The following F5 variants were observed in gnomAD, a reference collection of about 807,000 sequenced individuals.
F5 encodes activated protein c cofactor.
F5 carries 138 observed loss-of-function variants against 216.4 expected under a neutral mutation model. That is an observed-to-expected ratio of 0.64 (90% CI 0.56 to 0.73). The LOEUF is 0.73. Ranked by LOEUF, F5 falls within the 30% of genes least tolerant of loss-of-function variation. F5 has a pLI of 0.00. For missense variants in F5, 2,403 were observed against 2,674.0 expected, an observed-to-expected ratio of 0.90 and a Z score of 2.24; for synonymous variants, 916 against 930.7, an observed-to-expected ratio of 0.98 and a Z score of 0.29.
intron 4 of F5, 90 bp from the exon 5 acceptor site, chr1:169,559,386 T>A: frequency 7.9e-7 from 1 of 1,272,104 alleles, no homozygotes; most frequent in South Asian, 1.2e-5. Flanking sequence ...GGGCAAGCAA[T>A]CAACCATAAT....
chr1:169,580,450 G>A (rs1660963220), intron 2 of F5, among the ~76,000 whole-genome samples: 1 of 151,168 alleles, frequency 6.6e-6, no homozygotes, highest in Admixed American at 6.6e-5. Context: ...GTGATGCGAT[G>A]TCAGCTCACT....
At chr1:169,520,258 G>A (rs576021929) in intron 22 of F5, among the ~76,000 whole-genome samples, 88 of 152,252 alleles carry the variant, frequency 5.8e-4, no homozygotes, top group African/African-American at 2.1e-3. Context: ...TTCCAAATTA[G>A]AGCCCTTCCT....
In F5 at chr1:169,540,718, G is replaced by C; in HGVS notation, c.4372C>G (p.Pro1458Ala). 1 of 1,614,074 alleles carries C rather than the reference G, an allele frequency of 6.2e-7. No individual in the cohort carries two copies. Among genetic ancestry groups the C allele is most frequent in the South Asian group, 1.1e-5 (1 of 91,074 alleles). The change falls in exon 13 of 25, where the codon CCA becomes GCA. Residue 1458 changes from proline to alanine, a missense_variant. Coordinates refer to ENST00000367797, the MANE Select transcript of F5 (RefSeq NM_000130.5). The part of the protein sequence containing the change: ...LPDLSQISPP[P>A]DLDQIFYPSE... The stretch of plus-strand genomic sequence containing the variant: ...GGGTAGAATATCTGATCAAGGTCTG[G>C]AGGAGGTGATATCTGGCTGAGATCC...
At chr1:169,523,994 C>A (rs910890622) in intron 19 of F5, 90 bp from the exon 20 acceptor site, 3 of 1,051,120 alleles carry the variant, frequency 2.9e-6, no homozygotes, top group Admixed American at 3.5e-5. Flanking sequence ...AAAACCAGAT[C>A]CTTGGAGGAC....
In F5 at chr1:169,523,866, C is replaced by T; in HGVS notation, c.5827G>A (p.Gly1943Arg). 6.2e-7 allele frequency: 1 copy of T among 1,613,842 alleles called. No individual in the cohort carries two copies. Among genetic ancestry groups the T allele is most frequent in the Non-Finnish European group, 8.5e-7 (1 of 1,179,902 alleles). Residue 1943 changes from glycine to arginine, a missense_variant, in exon 20 of 25, where the codon GGA (glycine) becomes AGA (arginine). Around this residue, in one of 4 missense-constraint regions of F5, gnomAD observed 659 missense variants for 787.9 expected, o/e 0.84. Coordinates refer to ENST00000367797, the MANE Select transcript of F5 (RefSeq NM_000130.5). ...EPRLARLNNG[G>R]SYNAWSVEKL... ...TCTACACTCCAAGCATTATAAGATC[C>T]ACCATTGTTTAATCTTGCTAATCTG... is the stretch of plus-strand genomic sequence containing the variant.
At position 169,543,259 on chromosome 1, in the gene F5, C is replaced by A. The variant is rs2239851; in HGVS notation, c.1976-145G>T. On this transcript the variant is annotated intron_variant, in intron 12 of 24. Transcript: ENST00000367797. The stretch of plus-strand genomic sequence containing the variant: ...GCTGTGGACCACTGCTTGTCTGTGA[C>A]CTATTGATTACTGGGTCAAAATAAC... The A allele has an allele frequency of 0.26, 185,503 of 704,150 alleles. 25,587 individuals are homozygous for A. Among genetic ancestry groups the A allele is most frequent in the Admixed American group, 0.38 (16,657 of 43,870 alleles). The allele number at this position is 704,150 out of a possible 1,614,324, so 43.6% of individuals were successfully genotyped here.
chr1:169,528,016 A>G lies in F5; in HGVS notation c.5498T>C (p.Ile1833Thr). ...QEWVRLHLLN[I>T]GGSQDIHVVH... is the part of the protein sequence containing the mutation. ...CACGTGAATGTCTTGGGAGCCGCCT[A>G]TGTTCAGCAGGTGTAACCTCACCCA... The change falls in exon 17 of 25, where the codon ATA (isoleucine) becomes ACA (threonine). Residue 1833 changes from isoleucine to threonine, a missense_variant. Ile to Thr is a moderately conservative substitution (Grantham distance 89, BLOSUM62 -1). Transcript: ENST00000367797. 6 of 1,613,916 alleles carry G rather than the reference A, an allele frequency of 3.7e-6. No individual in the cohort carries two copies. The highest frequency in any genetic ancestry group is 5.1e-6 in the Non-Finnish European group (6 of 1,179,868).
chr1:169,555,847 G>A (rs1660309808), intron 6 of F5, among the ~76,000 whole-genome samples: 1 of 151,950 alleles, frequency 6.6e-6, no homozygotes, highest in Non-Finnish European at 1.5e-5. Context: ...TATCATGATG[G>A]TTTTATTACT....
chr1:169,540,861 G>A lies in F5; in HGVS notation c.4229C>T (p.Thr1410Ile), dbSNP rs752854064. ...IPLTPDLDQM[T>I]LSPDLGETDL... ...TGTCTCACCAAGGTCTGGAGAAAGT[G>A]TCATCTGGTCGAGGTCTGGGGTAAG... Residue 1410 changes from threonine to isoleucine, a missense_variant, in exon 13 of 25, where the codon ACA becomes ATA. Thr to Ile is a moderately conservative substitution (Grantham distance 89). Around this residue, in one of 4 missense-constraint regions of F5, gnomAD observed 293 missense variants for 270.8 expected, o/e 1.08. Coordinates refer to ENST00000367797, the MANE Select transcript of F5 (RefSeq NM_000130.5). The A allele has an allele frequency of 1.3e-5, 21 of 1,612,022 alleles. No homozygotes were observed. The highest frequency in any genetic ancestry group is 1.7e-5 in the Admixed American group (1 of 59,476).
chr1:169,520,689 T>C (rs1294251715), intron 21 of F5, 25 bp from the exon 22 acceptor site: 1 of 1,599,076 alleles, frequency 6.3e-7, no homozygotes, highest in South Asian at 1.1e-5. Flanking sequence ...GAAAGTTTAG[T>C]TATGTAACAA....
chr1:169,523,812 G>T lies in F5; in HGVS notation c.5881C>A (p.Pro1961Thr), dbSNP rs748741328. ...CTATTAAGACAAACCTGGATCCAAG[G>T]TTTAGAGGCAAATTCTGCTGCAAGT... ...EKLAAEFASK[P>T]WIQVDMQKEV... Residue 1961 changes from proline (P) to threonine (T), a missense_variant, in exon 20 of 25, where the codon CCT becomes ACT. Pro to Thr is a conservative substitution (Grantham distance 38, BLOSUM62 -1). This residue lies in a region of F5 where 659 missense variants were observed against 787.9 expected (regional missense o/e 0.84). Coordinates refer to ENST00000367797, the MANE Select transcript of F5 (RefSeq NM_000130.5). The T allele has an allele frequency of 7.4e-6, 12 of 1,613,182 alleles. No individual in the cohort carries two copies. The highest frequency in any genetic ancestry group is 9.3e-6 in the Non-Finnish European group (11 of 1,179,416).
At chr1:169,521,238 A>G (rs1312243475) in intron 21 of F5, among the ~76,000 whole-genome samples, 2 of 152,124 alleles carry the variant, frequency 1.3e-5, no homozygotes, top group African/African-American at 2.4e-5. Context: ...CTAGACTTCT[A>G]TGCTCCTGAG....
rs541472486 is a variant in F5, at chr1:169,584,710, T to C, written c.158+1519A>G. 1.9e-4 allele frequency among the ~76,000 whole-genome samples: 29 copies of C among 152,320 alleles called. No homozygotes were observed. The South Asian group carries it at 4.6e-3, about 24-fold the overall frequency. On this transcript the variant is annotated intron_variant, in intron 1 of 24. Transcript: ENST00000367797. ...AGTTCTTAGTTTAAGCAGCCAGATA[T>C]ATGGATTAGATTTTTCATAAGAAAA...
intron 2 of F5, among the ~76,000 whole-genome samples, chr1:169,573,308 T>C (rs1277853441): frequency 2.0e-5 from 3 of 152,150 alleles, no homozygotes; most frequent in Non-Finnish European, 4.4e-5. Context: ...AGAGACATAG[T>C]ATAACGTGTA....
At chr1:169,578,800 C>T (rs1660922340) in intron 2 of F5, among the ~76,000 whole-genome samples, 1 of 152,176 alleles carries the variant, frequency 6.6e-6, no homozygotes, top group African/African-American at 2.4e-5. Context: ...TTATCCTCTG[C>T]TTTCCTGGCC....
intron 3 of F5, among the ~76,000 whole-genome samples, chr1:169,563,244 T>G (rs1029254537): frequency 2.0e-5 from 3 of 152,076 alleles, no homozygotes; most frequent in Non-Finnish European, 4.4e-5. Context: ...TCTCACTGCT[T>G]CCAATATTTT....
In F5 at chr1:169,511,962, G is replaced by T. The variant is rs542773186; in HGVS notation, c.*2351C>A. Among the ~76,000 whole-genome samples, 1 of 152,016 alleles carries T rather than the reference G, an allele frequency of 6.6e-6. No individual in the cohort carries two copies. The highest frequency in any genetic ancestry group is 1.9e-4 in the East Asian group (1 of 5,166). On this transcript the variant is annotated 3_prime_UTR_variant, in exon 25 of 25. Coordinates refer to ENST00000367797, the MANE Select transcript of F5 (RefSeq NM_000130.5). ...GATCAGAGAGAGAAATAAAAAGTGG[G>T]TATCTTTTTTATTTCAAAATAACAG...
At chr1:169,547,058 C>T (rs374604933) in intron 10 of F5, among the ~76,000 whole-genome samples, 16 of 151,884 alleles carry the variant, frequency 1.1e-4, no homozygotes, top group African/African-American at 1.9e-4. Flanking sequence ...CTCGGGAGGC[C>T]GAGGGGCCGA....
Position 169,544,427 on chromosome 1 carries a change from A to C in F5, c.1844T>G (p.Val615Gly). ...DDTVQWHFCS[V>G]GTQNEILTIH... ...GGTCAAAATTTCATTCTGGGTCCCC[A>C]CACTACAGAAGTGCCACTGGACAGT... Residue 615 changes from valine to glycine, a missense_variant, in exon 12 of 25, where the codon GTG becomes GGG. Transcript: ENST00000367797. 1 of 1,614,176 alleles carries C rather than the reference A, an allele frequency of 6.2e-7. No individual in the cohort carries two copies. The highest frequency in any genetic ancestry group is 8.5e-7 in the Non-Finnish European group (1 of 1,180,010).
Sources: allele counts gnomAD v4.1 joint callset (sites outside exome capture counted in the v4.1 genomes callset), GRCh38; gene constraint gnomAD v4.1.1; regional missense constraint gnomAD v4.1.1; transcripts MANE v1.5; gene names NCBI Gene and HGNC (gene_info 2026-07-23, HGNC 2026-07-21).